Variants in ARL15 observed in about 807,000 individuals in gnomAD.
The protein encoded by ARL15 is ARF like GTPase 15.
ARL15 carries 19 observed loss-of-function variants against 25.2 expected under a neutral mutation model. The observed-to-expected ratio is 0.75, with a 90% CI of 0.53 to 1.10. The LOEUF (loss-of-function observed/expected upper bound fraction) is 1.10. Ranked by LOEUF, ARL15 falls within the 50% of genes least tolerant of loss-of-function variation. ARL15 has a pLI of 0.00. For synonymous variants in ARL15, 94 were observed against 86.8 expected (o/e 1.08, Z -0.46); for missense variants, 220 against 246.0 (o/e 0.89, Z 0.71).
chr5:54,192,956 T>C (rs1390629851), intron 1 of ARL15, among the ~76,000 whole-genome samples: 2 of 152,152 alleles, frequency 1.3e-5, no homozygotes, highest in Non-Finnish European at 2.9e-5. Context: ...TGTATGTAGG[T>C]CCAGTGACAC....
chr5:54,042,313 T>C (rs1750368287), intron 4 of ARL15, among the ~76,000 whole-genome samples: 1 of 152,204 alleles, frequency 6.6e-6, no homozygotes, highest in African/African-American at 2.4e-5. Context: ...TACCATAAAA[T>C]AAAGGGATTT....
intron 1 of ARL15, among the ~76,000 whole-genome samples, chr5:54,265,035 G>A (rs927060174): frequency 6.6e-6 from 1 of 152,126 alleles, no homozygotes; most frequent in Non-Finnish European, 1.5e-5. Flanking sequence ...GTTCAACACT[G>A]ACTGAATGAA....
chr5:53,977,624 T>C (rs1747983724), intron 4 of ARL15, among the ~76,000 whole-genome samples: 1 of 152,186 alleles, frequency 6.6e-6, no homozygotes, highest in Non-Finnish European at 1.5e-5. Context: ...CTAAGGCAAG[T>C]GATTGACCCT....
At chr5:54,196,230 A>C (rs190631419) in intron 1 of ARL15, among the ~76,000 whole-genome samples, 22 of 152,240 alleles carry the variant, frequency 1.4e-4, no homozygotes, top group Middle Eastern at 3.4e-3. Flanking sequence ...AACTTACTAA[A>C]GCCCCAAATC....
chr5:54,106,965 G>GGGTTGT (rs1181084339), intron 4 of ARL15, among the ~76,000 whole-genome samples: 1 of 152,076 alleles, frequency 6.6e-6, no homozygotes, highest in Non-Finnish European at 1.5e-5. Flanking sequence ...CATCTTGAGG[G>GGGTTGT]GGTTGTATTA....
intron 4 of ARL15, among the ~76,000 whole-genome samples, chr5:54,040,444 A>C (rs564277103): frequency 2.2e-3 from 341 of 152,242 alleles, no homozygotes; most frequent in African/African-American, 7.8e-3. Flanking sequence ...AATACCTAAA[A>C]TTTTTGCAGA....
intron 4 of ARL15, among the ~76,000 whole-genome samples, chr5:54,055,663 T>G (rs1750846409): frequency 6.6e-6 from 1 of 151,834 alleles, no homozygotes; most frequent in South Asian, 2.1e-4. Context: ...ACCTGGCCTA[T>G]CATTCCTTTC....
At chr5:53,939,607 C>T (rs376034589) in intron 4 of ARL15, among the ~76,000 whole-genome samples, 2 of 151,812 alleles carry the variant, frequency 1.3e-5, no homozygotes, top group Admixed American at 6.6e-5. Context: ...TGGTGGGGCG[C>T]GCCTGTAGTC....
chr5:54,243,594 A>G (rs977107180), intron 1 of ARL15, among the ~76,000 whole-genome samples: 2 of 152,234 alleles, frequency 1.3e-5, no homozygotes, highest in African/African-American at 4.8e-5. Flanking sequence ...CTTAGAGTCC[A>G]GACAAGACAA....
At chr5:54,012,075 C>G (rs778866201) in intron 4 of ARL15, among the ~76,000 whole-genome samples, 1 of 152,004 alleles carries the variant, frequency 6.6e-6, no homozygotes, top group Non-Finnish European at 1.5e-5. Context: ...GCATTTCTAG[C>G]GATACCTAAC....
At chr5:54,204,472 G>A (rs961987103) in intron 1 of ARL15, among the ~76,000 whole-genome samples, 1 of 152,076 alleles carries the variant, frequency 6.6e-6, no homozygotes, top group Non-Finnish European at 1.5e-5. Flanking sequence ...ACACTGCTTC[G>A]AATTGCTCAT....
chr5:54,271,749 A>C (rs1306875668), intron 1 of ARL15, among the ~76,000 whole-genome samples: 1 of 152,152 alleles, frequency 6.6e-6, no homozygotes, highest in African/African-American at 2.4e-5. Flanking sequence ...CACAGTATAC[A>C]ATAAGCATAA....
At chr5:54,258,115 G>A (rs1420339806) in intron 1 of ARL15, among the ~76,000 whole-genome samples, 1 of 150,546 alleles carries the variant, frequency 6.6e-6, no homozygotes, top group Non-Finnish European at 1.5e-5. Context: ...AGGATCGCTT[G>A]AGTCCAGGAG....
At chr5:54,236,200 G>A (rs571826956) in intron 1 of ARL15, among the ~76,000 whole-genome samples, 48 of 152,020 alleles carry the variant, frequency 3.2e-4, no homozygotes, top group Non-Finnish European at 5.6e-4. Context: ...GTGTCTGATC[G>A]GATAACTATG....
At chr5:53,972,661 T>G (rs1477141679) in intron 4 of ARL15, among the ~76,000 whole-genome samples, 1 of 152,172 alleles carries the variant, frequency 6.6e-6, no homozygotes, top group East Asian at 1.9e-4. Context: ...TCTAGAGACT[T>G]TAGAGCCAGA....
rs561046417 is a variant in ARL15, at chr5:53,934,730, G to C, written c.463-48017C>G. Among the ~76,000 whole-genome samples the C allele has an allele frequency of 3.3e-5, 5 of 152,188 alleles. No homozygotes were observed. The East Asian group carries it at 9.6e-4, about 29-fold the overall frequency. On this transcript the variant is annotated intron_variant, in intron 4 of 4. Coordinates refer to ENST00000504924, the MANE Select transcript of ARL15 (RefSeq NM_019087.3). ...AAATCACAGTCATATTTTCATATTT[G>C]TCAGCTCAAAGAGACTCTTTTATAA...
At chr5:54,017,993 C>G (rs1749478689) in intron 4 of ARL15, among the ~76,000 whole-genome samples, 1 of 151,156 alleles carries the variant, frequency 6.6e-6, no homozygotes. Flanking sequence ...AAGGGGTAAA[C>G]ATTTTTTTTT....
At chr5:54,308,119 C>G (rs562645787) in intron 1 of ARL15, among the ~76,000 whole-genome samples, 1 of 152,236 alleles carries the variant, frequency 6.6e-6, no homozygotes, top group South Asian at 2.1e-4. Context: ...ATGTGTGGCA[C>G]ATCATTTTCT....
rs1205530313 is a variant in ARL15, at chr5:53,884,049, C to T, written c.*2512G>A. The T allele has an allele frequency of 1.3e-5, 2 of 152,074 alleles. No homozygotes were observed. The highest frequency in any genetic ancestry group is 2.9e-5 in the Non-Finnish European group (2 of 68,006). The allele number at this position is 152,074 out of a possible 1,614,324, so 9.4% of individuals were successfully genotyped here. A position where few individuals can be genotyped will look rare whatever the true frequency, so the allele number is the denominator to read the frequency against. On this transcript the variant is annotated 3_prime_UTR_variant, in exon 5 of 5. Transcript: ENST00000504924. ...TAAATGTCCACATGAATCTGTTAGC[C>T]TCTAAGTACAGGTACAGTATTTTTT...
Sources: allele counts gnomAD v4.1 joint callset (sites outside exome capture counted in the v4.1 genomes callset), GRCh38; gene constraint gnomAD v4.1.1; transcripts MANE v1.5; gene names NCBI Gene and HGNC (gene_info 2026-07-23, HGNC 2026-07-21).